The following SHPRH variants were observed in gnomAD, a reference collection of about 807,000 sequenced individuals.
The protein encoded by SHPRH is E3 ubiquitin-protein ligase SHPRH.
In SHPRH, 106 loss-of-function variants were observed where a neutral mutation model predicts 202.5. That is an observed-to-expected ratio of 0.52 (90% CI 0.45 to 0.62). The LOEUF is 0.62. SHPRH is among the 20% of genes least tolerant of loss of function. The pLI, the probability that SHPRH is intolerant of heterozygous loss-of-function variation, is 0.00. For synonymous variants in SHPRH, 729 were observed against 686.0 expected, an observed-to-expected ratio of 1.06 and a Z score of -0.98; for missense variants, 1,710 against 2,020.0, an observed-to-expected ratio of 0.85 and a Z score of 2.94.
chr6:145,922,291 G>A lies in SHPRH; in HGVS notation c.3777C>T (p.Ser1259=), dbSNP rs985786319. The A allele has an allele frequency of 2.0e-5, 31 of 1,570,940 alleles. No individual in the cohort carries two copies. Among genetic ancestry groups the A allele is most frequent in the Non-Finnish European group, 2.6e-5 (30 of 1,165,994 alleles). ...LFTEYESKLF[S]NTVKGQTAIF... ...TAATCAAATAGAGAACTTACGTGTT[G>A]GAAAATAGCTTTGATTCATACTCTG... is the stretch of plus-strand genomic sequence containing the variant. The change falls in exon 20 of 30, where the codon TCC becomes TCT. Residue 1259 remains serine (S), a synonymous_variant. Coordinates refer to ENST00000275233, the MANE Select transcript of SHPRH (RefSeq NM_001042683.3).
chr6:145,895,652 T>C (rs557032466), intron 25 of SHPRH, among the ~76,000 whole-genome samples: 70 of 152,110 alleles, frequency 4.6e-4, no homozygotes, highest in Admixed American at 4.6e-3. Flanking sequence ...AGTATTTCTG[T>C]AGCCCTCAAT....
At chr6:145,867,631 T>TATATATATAGAGAGAG (rs1554220329) in intron 2 of SHPRH, among the ~76,000 whole-genome samples, 9 of 22,312 alleles carry the variant, frequency 4.0e-4, no homozygotes, top group Non-Finnish European at 4.5e-4. Flanking sequence ...TATATATATA[T>TATATATATAGAGAGAG]AGAGAGAGAG....
chr6:145,893,609 G>A (rs577108710), intron 27 of SHPRH, among the ~76,000 whole-genome samples: 3 of 152,168 alleles, frequency 2.0e-5, no homozygotes, highest in South Asian at 2.1e-4. Context: ...CTTGTTCTTC[G>A]TAATATCTAG....
chr6:145,864,729 C>T (rs571193206), intron 2 of SHPRH, among the ~76,000 whole-genome samples: 231 of 150,448 alleles, frequency 1.5e-3, no homozygotes, highest in Non-Finnish European at 2.2e-3. Context: ...TGCATTCTTT[C>T]CAAGTAAAAA....
chr6:145,919,659 G>GA (rs1199531941), intron 21 of SHPRH, among the ~76,000 whole-genome samples, 168 bp from the exon 22 acceptor site: 1 of 151,882 alleles, frequency 6.6e-6, no homozygotes, highest in Admixed American at 6.6e-5. Flanking sequence ...AAATGTGAAT[G>GA]AAAAAAATCT....
chr6:145,918,333 A>T lies in SHPRH; in HGVS notation c.4153-101T>A, dbSNP rs570241938. On this transcript the variant is annotated intron_variant, in intron 22 of 29. Coordinates refer to ENST00000275233, the MANE Select transcript of SHPRH (RefSeq NM_001042683.3). ...CCAGTAATACAAATGTATTGTTTTTAAAAAAAACCTATTTACATTCTAAAA... is the reference window on the plus strand; with the variant it reads ...CCAGTAATACAAATGTATTGTTTTTTAAAAAAACCTATTTACATTCTAAAA... The T allele has an allele frequency of 2.2e-4, 158 of 723,062 alleles. 1 individual carries two copies. Among genetic ancestry groups the T allele is most frequent in the Middle Eastern group, 1.3e-3 (3 of 2,238 alleles). The allele number at this position is 723,062 out of a possible 1,614,324, so 44.8% of individuals were successfully genotyped here.
chr6:145,864,489 A>T (rs1779682406), exon 3 of SHPRH: 1 of 254,950 alleles, frequency 3.9e-6, no homozygotes, highest in African/African-American at 2.3e-5. Flanking sequence ...TTCCTCAAAA[A>T]ACCTGTGGAA....
chr6:145,943,622 CT>C lies in SHPRH; in HGVS notation c.1758del (p.Gly587GlufsTer23). 6.2e-7 allele frequency: 1 copy of C among 1,613,692 alleles called. No individual in the cohort carries two copies. Among genetic ancestry groups the C allele is most frequent in the Non-Finnish European group, 8.5e-7 (1 of 1,179,828 alleles). ...GGATTGATAAATGGTTGACTTTTTC[CT>C]TTTTTTGTGGATGGAACAAGCTTTT... ...LRKKLVPSTKKGKSQPFINPD... is the reference protein window; with the variant it reads ...LRKKLVPSTKXGKSQPFINPD... On this transcript the variant is annotated frameshift_variant, in exon 9 of 30. Coordinates refer to ENST00000275233, the MANE Select transcript of SHPRH (RefSeq NM_001042683.3). LOFTEE classifies it high-confidence loss of function.
downstream of SHPRH, among the ~76,000 whole-genome samples, chr6:145,880,454 C>A (rs370594942): frequency 2.0e-5 from 3 of 151,792 alleles, no homozygotes; most frequent in Admixed American, 1.3e-4. Flanking sequence ...CATGGAGAAA[C>A]CCTGTCTCTA....
chr6:145,912,820 T>C (rs545308094), intron 24 of SHPRH, among the ~76,000 whole-genome samples: 1 of 152,186 alleles, frequency 6.6e-6, no homozygotes, highest in African/African-American at 2.4e-5. Context: ...TAGGCTTATC[T>C]TTCAAATTTT....
intron 1 of SHPRH, among the ~76,000 whole-genome samples, chr6:145,959,411 G>A (rs1229190696): frequency 4.6e-5 from 7 of 151,984 alleles, no homozygotes; most frequent in South Asian, 2.1e-4. Context: ...ATCCAGTACC[G>A]AATATACTGT....
downstream of SHPRH, among the ~76,000 whole-genome samples, chr6:145,859,662 T>C (rs1246376307): frequency 6.6e-6 from 1 of 152,070 alleles, no homozygotes; most frequent in Non-Finnish European, 1.5e-5. Context: ...GAGTAAATGA[T>C]AGTGAAAATT....
intron 6 of SHPRH, 134 bp from the exon 7 acceptor site, chr6:145,946,475 G>T: frequency 1.7e-6 from 1 of 581,106 alleles, no homozygotes; most frequent in Non-Finnish European, 2.9e-6. Context: ...GGGCCAAATA[G>T]CTGTAGATAC....
At chr6:145,919,241 C>A in intron 22 of SHPRH, 107 bp downstream of exon 22, 1 of 1,405,396 alleles carries the variant, frequency 7.1e-7, no homozygotes, top group South Asian at 1.5e-5. Flanking sequence ...AGATTAAATA[C>A]ACACTTACAG....
At chr6:145,949,377 C>T (rs1388395654) in intron 4 of SHPRH, among the ~76,000 whole-genome samples, 1 of 151,842 alleles carries the variant, frequency 6.6e-6, no homozygotes, top group East Asian at 1.9e-4. Flanking sequence ...TGTATACACA[C>T]CATGGAAACC....
intron 2 of SHPRH, among the ~76,000 whole-genome samples, chr6:145,865,861 T>C (rs1356348535): frequency 6.6e-6 from 1 of 152,254 alleles, no homozygotes. Context: ...TTTTGGTAAC[T>C]TTCTTTGACT....
intron 23 of SHPRH, 120 bp from the exon 24 acceptor site, chr6:145,913,669 A>G (rs1420875534): frequency 3.0e-6 from 2 of 677,634 alleles, no homozygotes; most frequent in African/African-American, 1.9e-5. Context: ...TAATCTAACA[A>G]TTTAGATGAC....
intron 25 of SHPRH, 97 bp downstream of exon 25, chr6:145,910,351 T>G: frequency 7.2e-7 from 1 of 1,389,856 alleles, no homozygotes; most frequent in Non-Finnish European, 9.9e-7. Flanking sequence ...CTATTCACTG[T>G]CAAGCTTGTT....
intron 25 of SHPRH, among the ~76,000 whole-genome samples, chr6:145,899,096 G>A (rs1369948081): frequency 6.6e-6 from 1 of 152,130 alleles, no homozygotes; most frequent in Non-Finnish European, 1.5e-5. Context: ...TTATAGGCAT[G>A]AGTCACTGCA....
Sources: gnomAD v4.1 joint callset for allele counts (sites outside exome capture counted in the v4.1 genomes callset) on GRCh38, gnomAD v4.1.1 for gene constraint, MANE v1.5 for transcripts, NCBI Gene and HGNC (gene_info 2026-07-23, HGNC 2026-07-21) for gene names.